Variants in ANKRD18B observed in about 807,000 individuals in gnomAD.
The protein encoded by ANKRD18B is ankyrin repeat domain-containing protein 18B.
In ANKRD18B, 75 loss-of-function variants were observed where a neutral mutation model predicts 111.8. That is an observed-to-expected ratio of 0.67 (90% CI 0.56 to 0.81). The LOEUF is 0.81. Among genes scored for constraint, ANKRD18B ranks in the 40% least tolerant of loss-of-function variants. The pLI is 0.00. For missense variants in ANKRD18B, 1,038 were observed against 1,225.5 expected, an observed-to-expected ratio of 0.85 and a Z score of 2.28; for synonymous variants, 356 against 417.3, an observed-to-expected ratio of 0.85 and a Z score of 1.79.
At chr9:33,566,718 A>G (rs1398394961) in intron 15 of ANKRD18B, among the ~76,000 whole-genome samples, 1 of 152,144 alleles carries the variant, frequency 6.6e-6, no homozygotes, top group Non-Finnish European at 1.5e-5. Flanking sequence ...GATTCTCACT[A>G]TACAGTAAAA....
At chr9:33,550,203 C>T (rs1483802508) in intron 11 of ANKRD18B, among the ~76,000 whole-genome samples, 1 of 152,098 alleles carries the variant, frequency 6.6e-6, no homozygotes, top group Non-Finnish European at 1.5e-5. Flanking sequence ...GAATGAATAG[C>T]GGGCTGGATC....
intron 3 of ANKRD18B, among the ~76,000 whole-genome samples, chr9:33,531,025 T>C (rs571675102): frequency 6.6e-6 from 1 of 152,310 alleles, no homozygotes; most frequent in Admixed American, 6.5e-5. Context: ...ACTATCTCAG[T>C]ATGTCTGTTA....
At chr9:33,529,474 A>G (rs1247692469) in intron 3 of ANKRD18B, among the ~76,000 whole-genome samples, 2 of 152,230 alleles carry the variant, frequency 1.3e-5, no homozygotes, top group Admixed American at 1.3e-4. Context: ...TCACAGGAAA[A>G]AAATTGCCCT....
intron 17 of ANKRD18B, chr9:33,569,105 TC>T (rs1828730748): frequency 4.5e-6 from 2 of 442,772 alleles, no homozygotes; most frequent in Admixed American, 8.3e-5. Flanking sequence ...CTAACTTTAT[TC>T]AATAAATGTG....
intron 9 of ANKRD18B, among the ~76,000 whole-genome samples, chr9:33,542,791 A>G (rs1828299425): frequency 1.3e-5 from 2 of 152,216 alleles, no homozygotes; most frequent in Admixed American, 1.3e-4. Context: ...AATTTTGCAA[A>G]TTATTAGTAA....
At chr9:33,573,274 T>A (rs1163273370), downstream of ANKRD18B, 1 of 985,156 alleles carries the variant, frequency 1.0e-6, no homozygotes. Context: ...AGAACCACTG[T>A]CGCATCCACT....
intron 12 of ANKRD18B, among the ~76,000 whole-genome samples, chr9:33,552,532 G>A (rs920202461): frequency 7.2e-5 from 11 of 152,074 alleles, no homozygotes; most frequent in Admixed American, 2.6e-4. Context: ...TGGTCATGTC[G>A]GTTATGTACT....
chr9:33,549,142 C>T (rs559032441), intron 11 of ANKRD18B, among the ~76,000 whole-genome samples: 9 of 152,068 alleles, frequency 5.9e-5, no homozygotes, highest in East Asian at 1.9e-4. Context: ...GATGGTTGCA[C>T]GACACAGTAA....
chr9:33,541,114 A>G (rs1264013912), intron 8 of ANKRD18B, 33 bp from the exon 9 acceptor site: 2 of 1,537,650 alleles, frequency 1.3e-6, no homozygotes, highest in East Asian at 4.9e-5. Flanking sequence ...TGTTTTCCAG[A>G]AGGAATATCT....
chr9:33,546,034 C>T (rs145675655), intron 10 of ANKRD18B, among the ~76,000 whole-genome samples: 6,458 of 152,156 alleles, frequency 0.042, 187 homozygotes, highest in South Asian at 0.068. Context: ...AATTATTTAG[C>T]CATATACCAT....
chr9:33,545,954 C>A (rs1736926731), intron 10 of ANKRD18B, among the ~76,000 whole-genome samples: 1 of 152,150 alleles, frequency 6.6e-6, no homozygotes, highest in Non-Finnish European at 1.5e-5. Flanking sequence ...GGAAAACATT[C>A]TCATAATCTT....
downstream of ANKRD18B, chr9:33,573,315 T>C (rs1017064711): frequency 6.4e-5 from 63 of 984,008 alleles, no homozygotes; most frequent in African/African-American, 1.0e-3. Flanking sequence ...AAGGGCCTTC[T>C]AGCTGTCTGG....
At chr9:33,556,578 A>C (rs1828530450) in intron 13 of ANKRD18B, among the ~76,000 whole-genome samples, 1 of 152,236 alleles carries the variant, frequency 6.6e-6, no homozygotes, top group Admixed American at 6.5e-5. Context: ...TTTGAAAACA[A>C]TAATGACAAT....
intron 1 of ANKRD18B, among the ~76,000 whole-genome samples, chr9:33,525,718 A>G (rs1316214989): frequency 6.6e-6 from 1 of 151,140 alleles, no homozygotes; most frequent in Non-Finnish European, 1.5e-5. Flanking sequence ...ACAAAAGATA[A>G]CACACTTGAA....
At chr9:33,549,010 G>C (rs567769919) in intron 11 of ANKRD18B, among the ~76,000 whole-genome samples, 155 bp downstream of exon 11, 2 of 152,084 alleles carry the variant, frequency 1.3e-5, no homozygotes, top group East Asian at 3.9e-4. Flanking sequence ...GGAAATACAT[G>C]TATAGGGACA....
At chr9:33,533,167 C>A (rs561303063) in intron 3 of ANKRD18B, among the ~76,000 whole-genome samples, 1 of 152,172 alleles carries the variant, frequency 6.6e-6, no homozygotes, top group Non-Finnish European at 1.5e-5. Flanking sequence ...TTACAATGGA[C>A]TGTGCTAAAT....
rs1286132171 is a variant in ANKRD18B, at chr9:33,529,070, A to T, written c.392A>T (p.Asp131Val). 1.9e-6 allele frequency: 3 copies of T among 1,612,152 alleles called. No individual in the cohort carries two copies. Among genetic ancestry groups the T allele is most frequent in the Non-Finnish European group, 2.5e-6 (3 of 1,179,860 alleles). The stretch of plus-strand genomic sequence containing the variant: ...CGTGGCGCCAATCCAAACATTAAGG[A>T]TATCTACGGCAACACTGCTCTCCAT... ...LKRGANPNIK[D>V]IYGNTALHYA... is the part of the protein sequence containing the mutation. The change falls in exon 3 of 19, where the codon GAT becomes GTT. Residue 131 changes from aspartate to valine, a missense_variant. Asp to Val is a radical substitution (Grantham distance 152). Around this residue, in one of 4 missense-constraint regions of ANKRD18B, gnomAD observed 216 missense variants for 205.1 expected, o/e 1.05. Coordinates refer to ENST00000684830, the MANE Select transcript of ANKRD18B (RefSeq NM_001393611.1).
intron 11 of ANKRD18B, among the ~76,000 whole-genome samples, chr9:33,550,005 G>A (rs1587268288): frequency 1.3e-5 from 2 of 152,130 alleles, no homozygotes; most frequent in East Asian, 3.9e-4. Context: ...TTCACGGAGA[G>A]TGGGATTGAA....
intron 12 of ANKRD18B, among the ~76,000 whole-genome samples, chr9:33,554,186 A>T (rs1211228366): frequency 2.0e-5 from 3 of 150,826 alleles, no homozygotes; most frequent in Non-Finnish European, 4.5e-5. Flanking sequence ...AAGGAAAAAG[A>T]AAGAAAGAAA....
Sources: allele counts gnomAD v4.1 joint callset (sites outside exome capture counted in the v4.1 genomes callset), GRCh38; gene constraint gnomAD v4.1.1; regional missense constraint gnomAD v4.1.1; transcripts MANE v1.5; gene names NCBI Gene and HGNC (gene_info 2026-07-23, HGNC 2026-07-21).